Variants in PROM1 observed in about 807,000 individuals in gnomAD.
PROM1 encodes the protein prominin 1, also known as prominin-1.
In PROM1, 105 loss-of-function variants were observed where a neutral mutation model predicts 116.9. The ratio of observed to expected loss-of-function variants is 0.90; its 90% CI spans 0.77 to 1.06. The LOEUF is 1.06. Ranked by LOEUF, PROM1 falls within the 50% of genes least tolerant of loss-of-function variation. The pLI is 0.00. For synonymous variants in PROM1, 393 were observed against 387.0 expected, an observed-to-expected ratio of 1.02 and a Z score of -0.18; for missense variants, 1,122 against 1,045.2, an observed-to-expected ratio of 1.07 and a Z score of -1.01.
rs73122449 is a variant in PROM1, at chr4:15,993,895, C to T, written c.1767+92G>A. The T allele has an allele frequency of 4.0e-3, 6,120 of 1,542,882 alleles. 239 individuals are homozygous for T. The African/African-American group carries it at 0.076, about 19-fold the overall frequency. On this transcript the variant is annotated intron_variant, in intron 16 of 27. Coordinates refer to ENST00000447510, the MANE Select transcript of PROM1 (RefSeq NM_006017.3). Reference sequence around the variant, plus strand: ...TTTAAATAGTTAATTTTATCTTTTGCAAATTTCATCTCAATTTCCAGAAAA... The same window carrying T: ...TTTAAATAGTTAATTTTATCTTTTGTAAATTTCATCTCAATTTCCAGAAAA...
chr4:16,024,981 A>C (rs2149341087), intron 6 of PROM1, among the ~76,000 whole-genome samples: 1 of 152,362 alleles, frequency 6.6e-6, no homozygotes, highest in Middle Eastern at 3.4e-3. Context: ...TCTCAATAAA[A>C]TAAAAACACC....
At chr4:16,001,493 G>A (rs1306454556) in intron 13 of PROM1, among the ~76,000 whole-genome samples, 1 of 152,184 alleles carries the variant, frequency 6.6e-6, no homozygotes, top group Non-Finnish European at 1.5e-5. Flanking sequence ...ACAAAGATGG[G>A]TGGTGGAAGG....
chr4:16,074,882 C>T (rs564749729), intron 2 of PROM1, among the ~76,000 whole-genome samples: 2 of 152,104 alleles, frequency 1.3e-5, no homozygotes, highest in African/African-American at 4.8e-5. Context: ...AAGATTACAG[C>T]GAATTCTATA....
intron 14 of PROM1, 123 bp from the exon 15 acceptor site, chr4:15,998,611 T>G (rs972344883): frequency 1.4e-5 from 15 of 1,096,776 alleles, no homozygotes; most frequent in Non-Finnish European, 1.8e-5. Flanking sequence ...TTTTTCTGGT[T>G]GATTTCCAAC....
At chr4:15,975,202 C>G (rs1478848802) in intron 26 of PROM1, among the ~76,000 whole-genome samples, 1 of 152,154 alleles carries the variant, frequency 6.6e-6, no homozygotes, top group Non-Finnish European at 1.5e-5. Flanking sequence ...CCTCACAACC[C>G]TACGCAAACA....
chr4:16,032,124 C>T (rs1415490937), intron 5 of PROM1, among the ~76,000 whole-genome samples: 1 of 151,320 alleles, frequency 6.6e-6, no homozygotes, highest in Admixed American at 6.6e-5. Flanking sequence ...AAAAATATGA[C>T]CCAGTGCTTG....
rs544723273 is a variant in PROM1, at chr4:16,012,599, G to A, written c.1141+676C>T. Among the ~76,000 whole-genome samples the A allele has an allele frequency of 5.9e-5, 9 of 152,038 alleles. No homozygotes were observed. The South Asian group carries it at 8.3e-4, about 14-fold the overall frequency. On this transcript the variant is annotated intron_variant, in intron 11 of 27. Coordinates refer to ENST00000447510, the MANE Select transcript of PROM1 (RefSeq NM_006017.3). ...AAAAAGTTTGATTTTGGCCAGGCAC[G>A]GTGGCTCACGCCTATAATCCCAGCA...
intron 7 of PROM1, among the ~76,000 whole-genome samples, chr4:16,023,620 C>A (rs1390998634): frequency 6.6e-6 from 1 of 152,186 alleles, no homozygotes; most frequent in East Asian, 1.9e-4. Context: ...TTAATCACTA[C>A]AGACTCACCA....
chr4:15,991,485 T>C (rs1720968277), intron 17 of PROM1, among the ~76,000 whole-genome samples, 192 bp from the exon 18 acceptor site: 1 of 152,122 alleles, frequency 6.6e-6, no homozygotes, highest in African/African-American at 2.4e-5. Context: ...TTCAATCATA[T>C]TATTCAACTA....
chr4:16,082,596 G>A (rs969514740), intron 1 of PROM1: 2 of 152,282 alleles, frequency 1.3e-5, no homozygotes, highest in Non-Finnish European at 2.9e-5. Context: ...CGAGCTGCGG[G>A]ACACAAAAGA....
intron 2 of PROM1, among the ~76,000 whole-genome samples, chr4:16,060,363 G>A (rs987537090): frequency 2.7e-5 from 4 of 150,656 alleles, no homozygotes; most frequent in African/African-American, 9.8e-5. Context: ...AGGCCAGAGT[G>A]CAGTGGTGCA....
At position 16,013,336 on chromosome 4, in the gene PROM1, G is replaced by T. The variant is rs775451467; in HGVS notation, c.1080C>A (p.Gly360=). 1 of 1,598,568 alleles carries T rather than the reference G, an allele frequency of 6.3e-7. No individual in the cohort carries two copies. Among genetic ancestry groups the T allele is most frequent in the African/African-American group, 1.3e-5 (1 of 74,678 alleles). ...CAGGTATATCATTAAGGGATTGATA[G>T]CCCTGAAAAATATTTCAAAATAAAA... is the stretch of plus-strand genomic sequence containing the variant. ...RTDLDGLVQQ[G]YQSLNDIPDR... is the part of the protein sequence containing the mutation. Residue 360 remains glycine (G), a splice_region_variant and synonymous_variant, in exon 11 of 28, where the codon GGC becomes GGA. Transcript: ENST00000447510.
intron 15 of PROM1, 94 bp from the exon 16 acceptor site, chr4:15,994,165 C>G (rs1208648837): frequency 2.5e-6 from 4 of 1,575,086 alleles, no homozygotes; most frequent in Non-Finnish European, 3.5e-6. Flanking sequence ...CACTGTTTCT[C>G]CTTGTTTAAT....
At chr4:16,012,491 T>C (rs916277304) in intron 11 of PROM1, among the ~76,000 whole-genome samples, 14 of 152,198 alleles carry the variant, frequency 9.2e-5, no homozygotes, top group African/African-American at 2.9e-4. Flanking sequence ...CTAAGGAGCC[T>C]AAAATACTAC....
intron 19 of PROM1, among the ~76,000 whole-genome samples, chr4:15,989,506 A>G (rs902001489): frequency 6.6e-6 from 1 of 152,260 alleles, no homozygotes; most frequent in African/African-American, 2.4e-5. Flanking sequence ...AGAGACAGCC[A>G]CAGATTTTAT....
chr4:15,984,666 T>C (rs1718874823), intron 22 of PROM1, among the ~76,000 whole-genome samples: 1 of 152,186 alleles, frequency 6.6e-6, no homozygotes, highest in South Asian at 2.1e-4. Flanking sequence ...CAGCATTAGA[T>C]TCTCATAGGA....
chr4:16,014,001 TAAAACA>T (rs1727629016), intron 10 of PROM1, among the ~76,000 whole-genome samples: 2 of 151,768 alleles, frequency 1.3e-5, no homozygotes, highest in African/African-American at 4.8e-5. Context: ...GTGGTGAGGA[TAAAACA>T]AAAACAAAAA....
At chr4:16,079,450 T>C (rs924616618) in intron 1 of PROM1, 2 of 152,250 alleles carry the variant, frequency 1.3e-5, no homozygotes, top group African/African-American at 4.8e-5. Flanking sequence ...AAAGTATTAA[T>C]ATCTCACTAA....
chr4:16,041,556 T>C (rs750173475), intron 2 of PROM1, among the ~76,000 whole-genome samples: 7 of 151,768 alleles, frequency 4.6e-5, no homozygotes, highest in Non-Finnish European at 8.8e-5. Flanking sequence ...GGACAGAGGA[T>C]TGCTGAGCCC....
Sources: allele counts gnomAD v4.1 joint callset (sites outside exome capture counted in the v4.1 genomes callset), GRCh38; gene constraint gnomAD v4.1.1; transcripts MANE v1.5; gene names NCBI Gene and HGNC (gene_info 2026-07-23, HGNC 2026-07-21).